KCNC2: variants seen among roughly 807,000 people sequenced by gnomAD.
The protein encoded by KCNC2 is voltage-gated potassium channel KCNC2.
KCNC2 carries 21 observed loss-of-function variants against 44.5 expected under a neutral mutation model. That is an observed-to-expected ratio of 0.47 (90% CI 0.33 to 0.68). The LOEUF is 0.68. Among genes scored for constraint, KCNC2 ranks in the 30% least tolerant of loss-of-function variants. KCNC2 has a pLI of 0.01. For synonymous variants in KCNC2, 391 were observed against 339.1 expected (o/e 1.15, Z -1.68); for missense variants, 589 against 826.2 (o/e 0.71, Z 3.52).
intron 2 of KCNC2, among the ~76,000 whole-genome samples, chr12:75,206,797 T>C (rs2031721934): frequency 6.6e-6 from 1 of 152,172 alleles, no homozygotes. Context: ...GACACATAGA[T>C]ACATTCCATT....
intron 2 of KCNC2, among the ~76,000 whole-genome samples, chr12:75,168,475 C>T (rs1471532797): frequency 6.6e-6 from 1 of 151,358 alleles, no homozygotes; most frequent in Non-Finnish European, 1.5e-5. Context: ...AGACTGAGCT[C>T]CCAACTACAA....
At chr12:75,073,216 C>T (rs760124817) in intron 2 of KCNC2, among the ~76,000 whole-genome samples, 9 of 151,980 alleles carry the variant, frequency 5.9e-5, no homozygotes, top group Non-Finnish European at 8.8e-5. Context: ...GTTATCATGC[C>T]GGAATAACAA....
intron 2 of KCNC2, among the ~76,000 whole-genome samples, chr12:75,158,513 G>GT (rs1368169098): frequency 1.3e-5 from 2 of 151,800 alleles, no homozygotes; most frequent in African/African-American, 4.8e-5. Context: ...TGTAATTTTG[G>GT]TTTTTCCTAC....
intron 2 of KCNC2, among the ~76,000 whole-genome samples, chr12:75,086,785 G>A (rs1238244716): frequency 6.6e-6 from 1 of 150,882 alleles, no homozygotes; most frequent in Non-Finnish European, 1.5e-5. Context: ...TGAAATTTCT[G>A]ACATTAAGCA....
At chr12:75,202,287 A>G (rs1443509739) in intron 2 of KCNC2, among the ~76,000 whole-genome samples, 1 of 151,900 alleles carries the variant, frequency 6.6e-6, no homozygotes, top group Admixed American at 6.6e-5. Flanking sequence ...GCCACCTCAT[A>G]TGTATATCAC....
intron 2 of KCNC2, among the ~76,000 whole-genome samples, chr12:75,080,370 C>T (rs1884382503): frequency 6.6e-6 from 1 of 151,658 alleles, no homozygotes; most frequent in Non-Finnish European, 1.5e-5. Flanking sequence ...TGCATAAGCT[C>T]CTCCAGAAGT....
chr12:75,089,698 A>T (rs539328223), intron 2 of KCNC2, among the ~76,000 whole-genome samples: 10 of 151,874 alleles, frequency 6.6e-5, no homozygotes, highest in Non-Finnish European at 1.2e-4. Flanking sequence ...TGGTCTCCAA[A>T]CTGCTAATAA....
At chr12:75,199,130 A>T (rs2031023415) in intron 2 of KCNC2, among the ~76,000 whole-genome samples, 1 of 151,864 alleles carries the variant, frequency 6.6e-6, no homozygotes, top group Non-Finnish European at 1.5e-5. Context: ...ACTCAAAGGA[A>T]AACACCTTTT....
chr12:75,175,165 A>G (rs1396116664), intron 2 of KCNC2, among the ~76,000 whole-genome samples: 1 of 151,850 alleles, frequency 6.6e-6, no homozygotes, highest in Admixed American at 6.6e-5. Flanking sequence ...CTAAGACAAA[A>G]TCTCTCAGTC....
At chr12:75,048,581 G>A (rs570877926) in intron 3 of KCNC2, among the ~76,000 whole-genome samples, 2 of 151,974 alleles carry the variant, frequency 1.3e-5, no homozygotes, top group Admixed American at 6.6e-5. Flanking sequence ...CCTTTCACAC[G>A]ACTAATATGA....
At chr12:75,188,633 G>A (rs988034723) in intron 2 of KCNC2, among the ~76,000 whole-genome samples, 3 of 151,600 alleles carry the variant, frequency 2.0e-5, no homozygotes, top group Admixed American at 6.6e-5. Flanking sequence ...AGGCTGAGGC[G>A]GGTGGATCAC....
At chr12:75,146,293 T>C (rs1890024931) in intron 2 of KCNC2, among the ~76,000 whole-genome samples, 1 of 152,206 alleles carries the variant, frequency 6.6e-6, no homozygotes, top group South Asian at 2.1e-4. Context: ...AGTTGGTTTA[T>C]TTCATTCCCA....
intron 2 of KCNC2, among the ~76,000 whole-genome samples, chr12:75,115,098 C>T (rs1887561079): frequency 6.6e-6 from 1 of 152,022 alleles, no homozygotes. Context: ...CTCCTGACCT[C>T]GTGATCCACC....
At position 75,041,305 on chromosome 12, in the gene KCNC2, C is replaced by A. The variant is rs1879875867; in HGVS notation, c.*1800G>T. ...CTATGTGTGGTGTTATCAAAAGAAT[C>A]ACTGTGTCTCTAAATATCATATATG... On this transcript the variant is annotated 3_prime_UTR_variant, in exon 5 of 5. Transcript: ENST00000549446. 3 of 1,515,564 alleles carry A rather than the reference C, an allele frequency of 2.0e-6. No individual in the cohort carries two copies. The highest frequency in any genetic ancestry group is 2.7e-5 in the African/African-American group (2 of 72,752). 93.9% of individuals were successfully genotyped at this position (1,515,564 alleles called of 1,614,324 possible).
intron 3 of KCNC2, among the ~76,000 whole-genome samples, chr12:75,048,859 C>A (rs1442596970): frequency 6.6e-6 from 1 of 152,098 alleles, no homozygotes; most frequent in Non-Finnish European, 1.5e-5. Flanking sequence ...TATTTTTGAG[C>A]ATGCAGTGGA....
chr12:75,204,780 T>C (rs968780601), intron 2 of KCNC2, among the ~76,000 whole-genome samples: 4 of 152,138 alleles, frequency 2.6e-5, no homozygotes, highest in Admixed American at 2.6e-4. Flanking sequence ...GGTAAAAATA[T>C]TAAGTCACTT....
At chr12:75,208,992 G>T (rs955275626) in intron 1 of KCNC2, among the ~76,000 whole-genome samples, 5 of 152,022 alleles carry the variant, frequency 3.3e-5, no homozygotes, top group African/African-American at 1.2e-4. Context: ...CGAGGCTCGG[G>T]GAAAAGCTGC....
intron 2 of KCNC2, among the ~76,000 whole-genome samples, chr12:75,152,906 C>G (rs192027525): frequency 4.6e-5 from 7 of 151,836 alleles, no homozygotes; most frequent in Admixed American, 1.3e-4. Flanking sequence ...ACACAACATT[C>G]GAAAATTAGA....
At chr12:75,135,673 T>C (rs1338960320) in intron 2 of KCNC2, among the ~76,000 whole-genome samples, 1 of 152,078 alleles carries the variant, frequency 6.6e-6, no homozygotes, top group Non-Finnish European at 1.5e-5. Context: ...ACATTGGTTC[T>C]GTGAAAAACA....
Sources: allele counts gnomAD v4.1 joint callset (sites outside exome capture counted in the v4.1 genomes callset), GRCh38; gene constraint gnomAD v4.1.1; transcripts MANE v1.5; gene names NCBI Gene and HGNC (gene_info 2026-07-23, HGNC 2026-07-21).